SPADH: variants seen among roughly 807,000 people sequenced by gnomAD.
SPADH encodes CUB domain-containing protein.
the SPADH span, chr10:122,677,035 A>C: frequency 2.1e-6 from 1 of 479,800 alleles, no homozygotes; most frequent in Non-Finnish European, 2.7e-6. Flanking sequence ...TTCCTGTTGA[A>C]AGCTTTTCAC....
At chr10:122,673,277 G>A in the SPADH span, among the ~76,000 whole-genome samples, 1 of 152,166 alleles carries the variant, frequency 6.6e-6, no homozygotes, top group Non-Finnish European at 1.5e-5. Context: ...TCTTGCTTTC[G>A]AGGCTTTCCA....
the SPADH span, chr10:122,676,928 T>G: frequency 3.9e-5 from 38 of 985,082 alleles, no homozygotes; most frequent in Non-Finnish European, 4.3e-5. Flanking sequence ...TTGATGTTGT[T>G]GGTATTTCTA....
the SPADH span, among the ~76,000 whole-genome samples, chr10:122,674,357 T>C: frequency 6.6e-6 from 1 of 152,366 alleles, no homozygotes; most frequent in East Asian, 1.9e-4. Flanking sequence ...GATTGTTAAG[T>C]AGCAGCTTCT....
chr10:122,675,052 G>A, the SPADH span, among the ~76,000 whole-genome samples: 2 of 152,306 alleles, frequency 1.3e-5, no homozygotes, highest in Admixed American at 6.5e-5. Context: ...TCTAACTCCA[G>A]TCCCTGAATA....
At chr10:122,672,929 T>TAACATACTATACTA in the SPADH span, 1 of 985,438 alleles carries the variant, frequency 1.0e-6, no homozygotes, top group Non-Finnish European at 1.2e-6. Context: ...GCAGTATAGG[T>TAACATACTATACTA]AACGCATGGC....
the SPADH span, among the ~76,000 whole-genome samples, chr10:122,679,447 C>T: frequency 6.6e-6 from 1 of 151,288 alleles, no homozygotes; most frequent in Admixed American, 6.6e-5. Flanking sequence ...ATGTATAATA[C>T]ACATATTCTA....
At chr10:122,677,340 A>G in the SPADH span, among the ~76,000 whole-genome samples, 3 of 152,186 alleles carry the variant, frequency 2.0e-5, no homozygotes, top group Admixed American at 2.0e-4. Context: ...CCTCCATAAC[A>G]ATAAAACCAC....
chr10:122,674,318 C>T, the SPADH span, among the ~76,000 whole-genome samples: 3 of 152,332 alleles, frequency 2.0e-5, no homozygotes, highest in African/African-American at 7.2e-5. Flanking sequence ...GATCACTAGC[C>T]TCACAGCCTG....
At chr10:122,677,815 C>T in the SPADH span, among the ~76,000 whole-genome samples, 1 of 152,150 alleles carries the variant, frequency 6.6e-6, no homozygotes, top group Admixed American at 6.5e-5. Context: ...CTTAAACTGT[C>T]TACCCAACCT....
At chr10:122,676,269 T>TC in the SPADH span, among the ~76,000 whole-genome samples, 27 of 152,196 alleles carry the variant, frequency 1.8e-4, no homozygotes, top group Non-Finnish European at 2.8e-4. Flanking sequence ...AGGAAAGTGC[T>TC]CTTTTCATCC....
chr10:122,674,877 T>C, the SPADH span, among the ~76,000 whole-genome samples: 1 of 152,134 alleles, frequency 6.6e-6, no homozygotes, highest in East Asian at 1.9e-4. Flanking sequence ...AGTTAAAAAC[T>C]TTGTCCAAAG....
At chr10:122,675,317 C>G in the SPADH span, among the ~76,000 whole-genome samples, 3 of 152,274 alleles carry the variant, frequency 2.0e-5, no homozygotes, top group Admixed American at 2.0e-4. Context: ...CATTTCTGAC[C>G]ATGGCTCCAG....
chr10:122,675,203 T>C, the SPADH span, among the ~76,000 whole-genome samples: 1 of 152,224 alleles, frequency 6.6e-6, no homozygotes, highest in Admixed American at 6.5e-5. Flanking sequence ...TTAAGGTAGC[T>C]GACTTTTATT....
chr10:122,677,073 T>C, the SPADH span, among the ~76,000 whole-genome samples: 3 of 152,332 alleles, frequency 2.0e-5, no homozygotes, highest in Non-Finnish European at 4.4e-5. Flanking sequence ...ATAAAGTTGA[T>C]TTTCTTGTCA....
chr10:122,678,477 C>T, the SPADH span, among the ~76,000 whole-genome samples: 1 of 152,158 alleles, frequency 6.6e-6, no homozygotes, highest in Non-Finnish European at 1.5e-5. Context: ...TTTAAGGAAA[C>T]ATACCACTCT....
chr10:122,679,423 A>G, the SPADH span, among the ~76,000 whole-genome samples: 1 of 151,928 alleles, frequency 6.6e-6, no homozygotes, highest in Non-Finnish European at 1.5e-5. Flanking sequence ...TATATGAACT[A>G]TATACTATAA....
At chr10:122,675,082 A>G in the SPADH span, among the ~76,000 whole-genome samples, 1 of 152,180 alleles carries the variant, frequency 6.6e-6, no homozygotes, top group Non-Finnish European at 1.5e-5. Flanking sequence ...CCATAAATAA[A>G]CATGGCTCAC....
chr10:122,679,056 A>T, the SPADH span: 2 of 982,776 alleles, frequency 2.0e-6, no homozygotes, highest in Non-Finnish European at 2.4e-6. Context: ...TAATAGGAAG[A>T]TCGGGGGAAG....
chr10:122,673,408 G>T, the SPADH span, among the ~76,000 whole-genome samples: 1 of 152,168 alleles, frequency 6.6e-6, no homozygotes, highest in African/African-American at 2.4e-5. Flanking sequence ...CTCTGCATCT[G>T]CCCAGCGGGT....
Sources: gnomAD v4.1 joint callset for allele counts (sites outside exome capture counted in the v4.1 genomes callset) on GRCh38, gnomAD v4.1.1 for gene constraint, MANE v1.5 for transcripts, NCBI Gene and HGNC (gene_info 2026-07-23, HGNC 2026-07-21) for gene names.